Variants in ZC2HC1B observed in about 807,000 individuals in gnomAD.
The protein encoded by ZC2HC1B is zinc finger C2HC-type containing 1B.
In ZC2HC1B, 36 loss-of-function variants were observed where a neutral mutation model predicts 31.0. That is an observed-to-expected ratio of 1.16 (90% CI 0.89 to 1.54). The LOEUF is 1.54. Ranked by LOEUF, ZC2HC1B falls within the 40% of genes most tolerant of loss-of-function variation. ZC2HC1B has a pLI of 0.00. For synonymous variants in ZC2HC1B, 73 were observed against 88.0 expected (o/e 0.83, Z 0.95); for missense variants, 260 against 268.6 (o/e 0.97, Z 0.22).
At chr6:143,926,960 G>GCCACCGTGCCC (rs1554241408) in intron 6 of ZC2HC1B, among the ~76,000 whole-genome samples, 1 of 130,348 alleles carries the variant, frequency 7.7e-6, no homozygotes, top group Non-Finnish European at 1.6e-5. Flanking sequence ...ACAGGCGCCC[G>GCCACCGTGCCC]GCTAATTTTT....
rs751187621 is a variant in ZC2HC1B, at chr6:143,908,905, C to T, written c.598+5753C>T. ...TTTTGCCGAATCAGTATGATATTGG[C>T]TGTGGGTTTGTCATATGTGACACTT... On this transcript the variant is annotated intron_variant, in intron 6 of 7. Coordinates refer to ENST00000237275, the MANE Select transcript of ZC2HC1B (RefSeq NM_001013623.3). This position sits in a 1 kb window ranked among gnomAD's most constrained non-coding sequence, Gnocchi z 4.4. Among the ~76,000 whole-genome samples, 4 of 152,092 alleles carry T rather than the reference C, an allele frequency of 2.6e-5. No homozygotes were observed. Among genetic ancestry groups the T allele is most frequent in the Non-Finnish European group, 4.4e-5 (3 of 68,032 alleles).
rs1349149445 is a variant in ZC2HC1B, at chr6:143,883,299, A to T, written c.29-1005A>T. Among the ~76,000 whole-genome samples the T allele has an allele frequency of 3.9e-5, 6 of 152,128 alleles. No individual in the cohort carries two copies. The highest frequency in any genetic ancestry group is 1.3e-4 in the Admixed American group (2 of 15,268). On this transcript the variant is annotated intron_variant, in intron 1 of 7. Coordinates refer to ENST00000237275, the MANE Select transcript of ZC2HC1B (RefSeq NM_001013623.3). This position sits in a 1 kb window ranked among gnomAD's most constrained non-coding sequence, Gnocchi z 4.1. ...AGCAATCCTCCTGCTTCAGCCTCCC[A>T]TAGTGTTGGGATTACAGGCGTGAGC...
At position 143,864,547 on chromosome 6, in the gene ZC2HC1B, G is replaced by A. The variant is rs1051768309; in HGVS notation, c.8G>A (p.Gly3Glu). MA[G>E]AEPFLADGNQ... Reference sequence around the variant, plus strand: ...CTCTGAGTTAGGAACAGAATGGCTGGGGCAGAACCATTTTTGGCAGGTGAG... The same window carrying A: ...CTCTGAGTTAGGAACAGAATGGCTGAGGCAGAACCATTTTTGGCAGGTGAG... Residue 3 changes from glycine to glutamate, a missense_variant, in exon 1 of 8, where the codon GGG (glycine) becomes GAG (glutamate). Gly to Glu is a moderately conservative substitution (Grantham distance 98). Coordinates refer to ENST00000237275, the MANE Select transcript of ZC2HC1B (RefSeq NM_001013623.3). 5.2e-6 allele frequency: 8 copies of A among 1,551,428 alleles called. No individual in the cohort carries two copies. The highest frequency in any genetic ancestry group is 7.0e-6 in the Non-Finnish European group (8 of 1,146,922).
In ZC2HC1B at chr6:143,921,321, C is replaced by T. The variant is rs953577930; in HGVS notation, c.599-16328C>T. 1.3e-5 allele frequency among the ~76,000 whole-genome samples: 2 copies of T among 152,132 alleles called. No individual in the cohort carries two copies. The highest frequency in any genetic ancestry group is 2.1e-4 in the South Asian group (1 of 4,828). On this transcript the variant is annotated intron_variant, in intron 6 of 7. Transcript: ENST00000237275. The surrounding 1 kb of genome is among the most constrained non-coding windows in gnomAD (Gnocchi z 6.1). ...ATATTCAATATATATTTAACTCATT[C>T]GTCTCTCATGTACCAAAAAGAAATG...
At chr6:143,873,748 CAG>C in intron 1 of ZC2HC1B, among the ~76,000 whole-genome samples, 1 of 152,254 alleles carries the variant, frequency 6.6e-6, no homozygotes, top group East Asian at 1.9e-4. Context: ...GGCTGGGACA[CAG>C]GGCACCAAGT....
intron 6 of ZC2HC1B, among the ~76,000 whole-genome samples, chr6:143,909,124 A>G (rs1777830000): frequency 6.6e-6 from 1 of 152,078 alleles, no homozygotes; most frequent in South Asian, 2.1e-4. Flanking sequence ...AAGCCTACTG[A>G]ATTGTAGTGG....
chr6:143,896,779 G>C (rs1214252057), intron 4 of ZC2HC1B, among the ~76,000 whole-genome samples: 1 of 152,098 alleles, frequency 6.6e-6, no homozygotes, highest in Admixed American at 6.6e-5. Flanking sequence ...AAGAACTCAG[G>C]CTCAAAACCA....
In ZC2HC1B at chr6:143,895,150, T is replaced by C. The variant is rs1777649656; in HGVS notation, c.350-3402T>C. Among the ~76,000 whole-genome samples, 1 of 152,124 alleles carries C rather than the reference T, an allele frequency of 6.6e-6. No individual in the cohort carries two copies. The highest frequency in any genetic ancestry group is 2.1e-4 in the South Asian group (1 of 4,820). ...TCTCAGGCTTAAGTTCTAGAGAATT[T>C]ATTTGTTTTTTGTTGTTGTTGTTGT... is the stretch of plus-strand genomic sequence containing the variant. On this transcript the variant is annotated intron_variant, in intron 4 of 7. Coordinates refer to ENST00000237275, the MANE Select transcript of ZC2HC1B (RefSeq NM_001013623.3). This position sits in a 1 kb window ranked among gnomAD's most constrained non-coding sequence, Gnocchi z 4.8.
chr6:143,926,259 GC>G, intron 6 of ZC2HC1B, among the ~76,000 whole-genome samples: 1 of 152,086 alleles, frequency 6.6e-6, no homozygotes, highest in African/African-American at 2.4e-5. Context: ...CGCATTTATT[GC>G]TATGAAATTC....
chr6:143,925,686 G>A (rs964133440), intron 6 of ZC2HC1B, among the ~76,000 whole-genome samples: 2 of 151,814 alleles, frequency 1.3e-5, no homozygotes, highest in African/African-American at 4.8e-5. Flanking sequence ...ATAGGCATGC[G>A]CCATCACACC....
chr6:143,890,263 C>G (rs1777583628), intron 4 of ZC2HC1B, among the ~76,000 whole-genome samples: 1 of 151,668 alleles, frequency 6.6e-6, no homozygotes. Flanking sequence ...GCAAATGAGA[C>G]CTAAATTAGG....
intron 6 of ZC2HC1B, among the ~76,000 whole-genome samples, chr6:143,935,422 T>C (rs184247359): frequency 2.0e-5 from 3 of 151,940 alleles, no homozygotes; most frequent in African/African-American, 4.8e-5. Context: ...TCAGTGTCCA[T>C]TGGTGCCAGC....
At chr6:143,925,425 TA>T (rs1166710812) in intron 6 of ZC2HC1B, among the ~76,000 whole-genome samples, 5 of 151,850 alleles carry the variant, frequency 3.3e-5, no homozygotes, top group Admixed American at 3.3e-4. Flanking sequence ...TCCGCCTGCC[TA>T]CGGCCTCCCA....
At position 143,883,051 on chromosome 6, in the gene ZC2HC1B, A is replaced by G. The variant is rs7773644; in HGVS notation, c.29-1253A>G. On this transcript the variant is annotated intron_variant, in intron 1 of 7. Coordinates refer to ENST00000237275, the MANE Select transcript of ZC2HC1B (RefSeq NM_001013623.3). The surrounding 1 kb of genome is among the most constrained non-coding windows in gnomAD (Gnocchi z 4.1). ...TCCACCTTCAGCTTTTTTGTGTGTA[A>G]GTGGGGGAGACAGGATCTTGCTCTG... Among the ~76,000 whole-genome samples the G allele has an allele frequency of 0.048, 7,251 of 151,994 alleles. 181 individuals carry two copies. The highest frequency in any genetic ancestry group is 0.085 in the South Asian group (409 of 4,812).
chr6:143,902,639 C>T (rs1286057317), intron 5 of ZC2HC1B, among the ~76,000 whole-genome samples: 1 of 151,936 alleles, frequency 6.6e-6, no homozygotes, highest in Non-Finnish European at 1.5e-5. Context: ...TGCTGCCTGC[C>T]AATCTGTTTT....
At chr6:143,927,171 T>G (rs567023850) in intron 6 of ZC2HC1B, among the ~76,000 whole-genome samples, 12 of 152,246 alleles carry the variant, frequency 7.9e-5, no homozygotes, top group African/African-American at 2.9e-4. Context: ...TATAATAGAT[T>G]TAGGGGGTAC....
intron 6 of ZC2HC1B, among the ~76,000 whole-genome samples, chr6:143,916,762 T>C (rs1185371715): frequency 1.3e-5 from 2 of 152,168 alleles, no homozygotes; most frequent in Admixed American, 1.3e-4. Context: ...TTGGCCAATG[T>C]CTCCCATTTG....
chr6:143,880,544 A>G (rs1777455267), intron 1 of ZC2HC1B, among the ~76,000 whole-genome samples: 1 of 152,186 alleles, frequency 6.6e-6, no homozygotes, highest in African/African-American at 2.4e-5. Flanking sequence ...TTATTCTCCC[A>G]CAAATTCCTT....
rs1180139379 is a variant in ZC2HC1B, at chr6:143,870,084, C to T, written c.28+5517C>T. On this transcript the variant is annotated intron_variant, in intron 1 of 7. Coordinates refer to ENST00000237275, the MANE Select transcript of ZC2HC1B (RefSeq NM_001013623.3). The surrounding 1 kb of genome is among the most constrained non-coding windows in gnomAD (Gnocchi z 4.7). ...CCAAATTTCTTTGTCACCAATTTTC[C>T]AATCATGCTTCTTCCAAGTCCCTGA... Among the ~76,000 whole-genome samples, 1 of 152,210 alleles carries T rather than the reference C, an allele frequency of 6.6e-6. No individual in the cohort carries two copies. Among genetic ancestry groups the T allele is most frequent in the Non-Finnish European group, 1.5e-5 (1 of 68,036 alleles).
Sources: gnomAD v4.1 joint callset for allele counts (sites outside exome capture counted in the v4.1 genomes callset) on GRCh38, gnomAD v4.1.1 for gene constraint, Gnocchi (gnomAD v3.1) non-coding constraint, MANE v1.5 for transcripts, NCBI Gene and HGNC (gene_info 2026-07-23, HGNC 2026-07-21) for gene names.